PERP: variants seen among roughly 807,000 people sequenced by gnomAD.
The protein encoded by PERP is p53 apoptosis effector related to PMP22.
Under a neutral mutation model 20.3 loss-of-function variants are expected in PERP, and 11 were observed. That is an observed-to-expected ratio of 0.54 (90% CI 0.34 to 0.90). PERP has a LOEUF of 0.90. Among genes scored for constraint, PERP ranks in the 40% least tolerant of loss-of-function variants. The pLI is 0.02. For synonymous variants in PERP, 101 were observed against 102.0 expected, an observed-to-expected ratio of 0.99 and a Z score of 0.06; for missense variants, 224 against 249.4, an observed-to-expected ratio of 0.90 and a Z score of 0.69.
Position 138,089,940 on chromosome 6 carries a change from G to A in PERP, c.*2102C>T, listed in dbSNP as rs1775550923. 2 of 152,154 alleles carry A rather than the reference G, an allele frequency of 1.3e-5. No individual in the cohort carries two copies. The highest frequency in any genetic ancestry group is 4.1e-4 in the South Asian group (2 of 4,820). 9.4% of individuals were successfully genotyped at this position (152,154 alleles called of 1,614,324 possible). A position where few individuals can be genotyped will look rare whatever the true frequency, so the allele number is the denominator to read the frequency against. On this transcript the variant is annotated 3_prime_UTR_variant, in exon 3 of 3. Transcript: ENST00000421351. The stretch of plus-strand genomic sequence containing the variant: ...AAGGCTGGATGGGAAATCATGCAAA[G>A]ACAAGTGCATGTGGTAGAGAAGCTT...
intron 1 of PERP, among the ~76,000 whole-genome samples, chr6:138,102,474 T>G (rs554801068): frequency 2.0e-5 from 3 of 152,184 alleles, no homozygotes; most frequent in Non-Finnish European, 4.4e-5. Context: ...CGAAGCTTAG[T>G]CAGGGGTGCT....
rs574788793 is a variant in PERP, at chr6:138,091,557, T to C, written c.*485A>G. On this transcript the variant is annotated 3_prime_UTR_variant, in exon 3 of 3. Coordinates refer to ENST00000421351, the MANE Select transcript of PERP (RefSeq NM_022121.5). ...AATGATTTTGCTTTCCTTAAATAGT[T>C]CGAAGGCTTGAAAATAAACTTTTTT... 6.5e-6 allele frequency: 1 copy of C among 153,124 alleles called. No individual in the cohort carries two copies. The highest frequency in any genetic ancestry group is 1.5e-5 in the Non-Finnish European group (1 of 68,722). 9.5% of individuals were successfully genotyped at this position (153,124 alleles called of 1,614,324 possible). A position where few individuals can be genotyped will look rare whatever the true frequency, so the allele number is the denominator to read the frequency against.
At chr6:138,098,069 A>G (rs1237915859) in intron 1 of PERP, among the ~76,000 whole-genome samples, 1 of 152,174 alleles carries the variant, frequency 6.6e-6, no homozygotes, top group East Asian at 1.9e-4. Context: ...TTATAGCATC[A>G]ATCAATACTT....
At chr6:138,092,411 T>G in intron 2 of PERP, 143 bp from the exon 3 acceptor site, 1 of 764,138 alleles carries the variant, frequency 1.3e-6, no homozygotes, top group East Asian at 2.7e-5. Context: ...AGGAATCTGG[T>G]TAGGCAGAGG....
chr6:138,093,136 A>C (rs1218631105), intron 2 of PERP, among the ~76,000 whole-genome samples: 1 of 152,190 alleles, frequency 6.6e-6, no homozygotes, highest in Admixed American at 6.5e-5. Context: ...TGATTTTATA[A>C]AGCTACAATG....
At position 138,096,471 on chromosome 6, in the gene PERP, T is replaced by C. The variant is rs144266393; in HGVS notation, c.238A>G (p.Met80Val). ...EYAWGRAAAA[M>V]LFCGFIILVI... is the part of the protein sequence containing the mutation. ...AGGATGATGAAGCCACAGAAGAGCA[T>C]GGCAGCCGCTGCTCTACCCCACGCT... is the stretch of plus-strand genomic sequence containing the variant. The change falls in exon 2 of 3, where the codon ATG (methionine) becomes GTG (valine). Residue 80 changes from methionine to valine, a missense_variant. By Grantham distance (21) the Met-to-Val change is conservative. Coordinates refer to ENST00000421351, the MANE Select transcript of PERP (RefSeq NM_022121.5). 9 of 1,612,982 alleles carry C rather than the reference T, an allele frequency of 5.6e-6. No individual in the cohort carries two copies. In the East Asian group the frequency reaches 1.6e-4, roughly 28 times the overall value.
intron 1 of PERP, among the ~76,000 whole-genome samples, chr6:138,098,489 C>T (rs1458477243): frequency 3.3e-5 from 5 of 152,218 alleles, no homozygotes; most frequent in Non-Finnish European, 7.3e-5. Context: ...CTCCCCAGCC[C>T]TCACTACTCA....
chr6:138,106,133 G>A (rs750952636), intron 1 of PERP, among the ~76,000 whole-genome samples: 24 of 152,156 alleles, frequency 1.6e-4, no homozygotes, highest in Non-Finnish European at 3.1e-4. Flanking sequence ...ATGAAAACAG[G>A]CAGGGTAGCT....
rs1020532783 is a variant in PERP at position 138,088,607 on chromosome 6, A to G, written c.*3435T>C. ...TGGAAGATCATTAACATGACTGGAT[A>G]GGAACCTCTTTTAATTTCCCTTTCT... On this transcript the variant is annotated 3_prime_UTR_variant, in exon 3 of 3. Transcript: ENST00000421351. 5.3e-5 allele frequency: 8 copies of G among 152,244 alleles called. No individual in the cohort carries two copies. Among genetic ancestry groups the G allele is most frequent in the African/African-American group, 1.9e-4 (8 of 41,466 alleles). 9.4% of individuals were successfully genotyped at this position (152,244 alleles called of 1,614,324 possible). A position where few individuals can be genotyped will look rare whatever the true frequency, so the allele number is the denominator to read the frequency against.
intron 2 of PERP, among the ~76,000 whole-genome samples, chr6:138,095,856 T>C (rs1775680798): frequency 1.3e-5 from 2 of 152,220 alleles, no homozygotes; most frequent in Admixed American, 1.3e-4. Flanking sequence ...ACAGGCACCA[T>C]GCTGCAGATT....
Position 138,092,247 on chromosome 6 carries a change from A to G in PERP, c.377T>C (p.Leu126Pro), listed in dbSNP as rs139940672. 6.2e-7 allele frequency: 1 copy of G among 1,613,844 alleles called. No individual in the cohort carries two copies. The highest frequency in any genetic ancestry group is 8.5e-7 in the Non-Finnish European group (1 of 1,179,862). ...ALAAVFQIIS[L>P]VIYPVKYTQT... Reference sequence around the variant, plus strand: ...GGTGTACTTCACGGGGTAAATTACCAGGGAGATGATCTGGAACACAGCTAA... The same window carrying G: ...GGTGTACTTCACGGGGTAAATTACCGGGGAGATGATCTGGAACACAGCTAA... Residue 126 changes from leucine (L) to proline (P), a missense_variant, in exon 3 of 3, where the codon CTG becomes CCG. Leu to Pro is a moderately conservative substitution (Grantham distance 98). Transcript: ENST00000421351.
At chr6:138,096,028 G>A (rs1775684396) in intron 2 of PERP, among the ~76,000 whole-genome samples, 1 of 152,048 alleles carries the variant, frequency 6.6e-6, no homozygotes, top group East Asian at 1.9e-4. Context: ...GGACCACAAC[G>A]GAGAGCACTG....
intron 2 of PERP, among the ~76,000 whole-genome samples, chr6:138,093,673 C>T (rs1292477240): frequency 6.6e-6 from 1 of 152,082 alleles, no homozygotes; most frequent in Non-Finnish European, 1.5e-5. Flanking sequence ...GATTCTGGCT[C>T]ATCATATATG....
chr6:138,105,435 A>C (rs961998253), intron 1 of PERP, among the ~76,000 whole-genome samples: 4 of 152,260 alleles, frequency 2.6e-5, no homozygotes, highest in Non-Finnish European at 5.9e-5. Flanking sequence ...TATACAAAGC[A>C]CTGTATCAGT....
rs895989205 is a variant in PERP at position 138,090,341 on chromosome 6, G to T, written c.*1701C>A. On this transcript the variant is annotated 3_prime_UTR_variant, in exon 3 of 3. Transcript: ENST00000421351. ...TAGTGGAAGTAACATATGACTTATG[G>T]TGGGAAAAAAAATAACAAATGATAA... 1.3e-5 allele frequency: 2 copies of T among 152,050 alleles called. No homozygotes were observed. The highest frequency in any genetic ancestry group is 4.8e-5 in the African/African-American group (2 of 41,352). The allele number at this position is 152,050 out of a possible 1,614,324, so 9.4% of individuals were successfully genotyped here.
chr6:138,094,722 A>ATTAT (rs375371904), intron 2 of PERP, among the ~76,000 whole-genome samples: 111 of 152,024 alleles, frequency 7.3e-4, no homozygotes, highest in South Asian at 5.8e-3. Context: ...TGTGTTATTT[A>ATTAT]TTATTTATTT....
chr6:138,101,942 G>A (rs1775780571), intron 1 of PERP, among the ~76,000 whole-genome samples: 2 of 152,290 alleles, frequency 1.3e-5, no homozygotes, highest in South Asian at 2.1e-4. Flanking sequence ...TGAGACACTG[G>A]ACGTCCAACA....
intron 2 of PERP, among the ~76,000 whole-genome samples, chr6:138,092,473 C>T (rs563495): frequency 0.54 from 81,501 of 151,986 alleles, 22,295 homozygotes; most frequent in South Asian, 0.73. Context: ...CACTGAGCAG[C>T]ATCACACACA....
At chr6:138,095,089 G>A (rs1775659259) in intron 2 of PERP, among the ~76,000 whole-genome samples, 2 of 152,116 alleles carry the variant, frequency 1.3e-5, no homozygotes, top group Admixed American at 1.3e-4. Flanking sequence ...ATGAAAGGAA[G>A]ACACATCAAA....
Sources: gnomAD v4.1 joint callset for allele counts (sites outside exome capture counted in the v4.1 genomes callset) on GRCh38, gnomAD v4.1.1 for gene constraint, MANE v1.5 for transcripts, NCBI Gene and HGNC (gene_info 2026-07-23, HGNC 2026-07-21) for gene names.